Variants in CNOT3 observed in about 807,000 individuals in gnomAD.
The protein encoded by CNOT3 is CCR4-associated factor 3.
Under a neutral mutation model 89.4 loss-of-function variants are expected in CNOT3, and 2 were observed. That is an observed-to-expected ratio of 0.02 (90% CI 0.01 to 0.07). The LOEUF (loss-of-function observed/expected upper bound fraction) is 0.07. Among genes scored for constraint, CNOT3 ranks in the 10% least tolerant of loss-of-function variants. The probability of loss-of-function intolerance (pLI) is 1.00; values close to 1 mark genes in which losing one functional copy is unlikely to be tolerated. For synonymous variants in CNOT3, 486 were observed against 402.0 expected, an observed-to-expected ratio of 1.21 and a Z score of -2.50; for missense variants, 664 against 1,010.2, an observed-to-expected ratio of 0.66 and a Z score of 4.65.
At chr19:54,147,897 C>T (rs1275044482) in intron 10 of CNOT3, among the ~76,000 whole-genome samples, 1 of 152,132 alleles carries the variant, frequency 6.6e-6, no homozygotes, top group South Asian at 2.1e-4. Context: ...TGGGGGTGTC[C>T]ATGGGGCGGT....
rs1376407984 is a variant in CNOT3 at position 54,152,526 on chromosome 19, C to T, written c.1804C>T (p.Leu602=). 2 of 1,614,210 alleles carry T rather than the reference C, an allele frequency of 1.2e-6. No individual in the cohort carries two copies. The highest frequency in any genetic ancestry group is 1.7e-5 in the Admixed American group (1 of 60,024). Residue 602 remains leucine, a synonymous_variant, in exon 15 of 18, where the codon CTG becomes TTG. Coordinates refer to ENST00000221232, the MANE Select transcript of CNOT3 (RefSeq NM_014516.4). ...ACCGCTGTCGCTGGGTGTCTGTCCA[C>T]TGGGCCCTGTGCCCCTCACCAAGGA... ...NIPLSLGVCP[L]GPVPLTKEQL...
In CNOT3 at chr19:54,142,600, G is replaced by A. The variant is rs184128931; in HGVS notation, c.-50-329G>A. ...CCCAGTCATCAGCTGTGTGCAGCAT[G>A]ACTGTCCTGCTCTGAAAAACCTTTT... On this transcript the variant is annotated intron_variant, in intron 1 of 17. Transcript: ENST00000221232. 1.3e-4 allele frequency: 54 copies of A among 406,652 alleles called. 1 individual carries two copies. The highest frequency in any genetic ancestry group is 1.3e-3 in the East Asian group (27 of 20,412). 25.2% of individuals were successfully genotyped at this position (406,652 alleles called of 1,614,324 possible).
intron 10 of CNOT3, among the ~76,000 whole-genome samples, chr19:54,147,669 T>C (rs2074758259): frequency 3.3e-5 from 5 of 152,174 alleles, no homozygotes; most frequent in Admixed American, 3.3e-4. Flanking sequence ...CTTTCTGGAG[T>C]GCTGGTAACT....
chr19:54,147,831 C>T (rs1410247787), intron 10 of CNOT3, among the ~76,000 whole-genome samples: 1 of 152,220 alleles, frequency 6.6e-6, no homozygotes, highest in East Asian at 1.9e-4. Flanking sequence ...AGTCCTCTGG[C>T]TTCCAACAGA....
At chr19:54,139,426 C>T (rs1032396817) in intron 1 of CNOT3, among the ~76,000 whole-genome samples, 2 of 152,114 alleles carry the variant, frequency 1.3e-5, no homozygotes, top group Non-Finnish European at 2.9e-5. Context: ...GCTGCTGGTA[C>T]CCCATGAGAG....
intron 1 of CNOT3, among the ~76,000 whole-genome samples, chr19:54,138,927 GC>G (rs1490562798): frequency 1.3e-5 from 2 of 152,230 alleles, no homozygotes; most frequent in Non-Finnish European, 2.9e-5. Flanking sequence ...TGGCTTTGCA[GC>G]CTTGAACTCC....
chr19:54,150,298 C>A (rs1414229652), intron 13 of CNOT3, among the ~76,000 whole-genome samples: 1 of 152,084 alleles, frequency 6.6e-6, no homozygotes, highest in East Asian at 1.9e-4. Flanking sequence ...AGACCTGGAC[C>A]AGGCAGGGGG....
In CNOT3 at chr19:54,148,040, G is replaced by A. The variant is rs933334630; in HGVS notation, c.895-108G>A. Reference sequence around the variant, plus strand: ...GAGGGCAGGAGCAGGTGGGGGCAGCGAGGCCAGAGAGGAGGCTGCTGGGAC... The same window carrying A: ...GAGGGCAGGAGCAGGTGGGGGCAGCAAGGCCAGAGAGGAGGCTGCTGGGAC... On this transcript the variant is annotated intron_variant, in intron 10 of 17. Transcript: ENST00000221232. This position sits in a 1 kb window ranked among gnomAD's most constrained non-coding sequence, Gnocchi z 6.3. 7.0e-6 allele frequency: 6 copies of A among 856,718 alleles called. No individual in the cohort carries two copies. Among genetic ancestry groups the A allele is most frequent in the Middle Eastern group, 3.8e-4 (1 of 2,642 alleles). The allele number at this position is 856,718 out of a possible 1,614,324, so 53.1% of individuals were successfully genotyped here.
intron 13 of CNOT3, among the ~76,000 whole-genome samples, chr19:54,150,060 C>G (rs587639554): frequency 3.3e-5 from 5 of 152,246 alleles, no homozygotes; most frequent in Admixed American, 3.3e-4. Flanking sequence ...TTCATCCCCC[C>G]CGCAGGCCCT....
At chr19:54,153,228 G>T (rs2075229363) in intron 16 of CNOT3, 1 of 763,672 alleles carries the variant, frequency 1.3e-6, no homozygotes, top group African/African-American at 1.7e-5. Flanking sequence ...CTGGTCCACT[G>T]AGGCACACCT....
chr19:54,148,617 C>G lies in CNOT3; in HGVS notation c.1283-3C>G. 1 of 1,609,600 alleles carries G rather than the reference C, an allele frequency of 6.2e-7. No individual in the cohort carries two copies. The highest frequency in any genetic ancestry group is 8.5e-7 in the Non-Finnish European group (1 of 1,178,032). ...GCCCTTTCCATTTACTCTTTGTTCC[C>G]AGGTTACAGCTCAGTTGTGGCAGAC... is the stretch of plus-strand genomic sequence containing the variant. On this transcript the variant is annotated splice_polypyrimidine_tract_variant and splice_region_variant and intron_variant, in intron 11 of 17. Coordinates refer to ENST00000221232, the MANE Select transcript of CNOT3 (RefSeq NM_014516.4). The surrounding 1 kb of genome is among the most constrained non-coding windows in gnomAD (Gnocchi z 6.3).
Position 54,145,654 on chromosome 19 carries a change from G to A in CNOT3, c.540G>A (p.Val180=), listed in dbSNP as rs753193649. ...KRHIEKHRYH[V]RMLETILRML... Reference sequence around the variant, plus strand: ...ACATCGAGAAGCACCGCTACCACGTGCGCATGCTAGAGACCATCCTGCGCA... The same window carrying A: ...ACATCGAGAAGCACCGCTACCACGTACGCATGCTAGAGACCATCCTGCGCA... Residue 180 remains valine, a synonymous_variant, in exon 8 of 18, where the codon GTG becomes GTA. Coordinates refer to ENST00000221232, the MANE Select transcript of CNOT3 (RefSeq NM_014516.4). This position sits in a 1 kb window ranked among gnomAD's most constrained non-coding sequence, Gnocchi z 5.9. 3.1e-6 allele frequency: 5 copies of A among 1,613,820 alleles called. No homozygotes were observed. In the East Asian group the frequency reaches 8.9e-5, roughly 29 times the overall value.
chr19:54,139,896 T>C (rs8103928), intron 1 of CNOT3, among the ~76,000 whole-genome samples: 11,384 of 152,116 alleles, frequency 0.075, 947 homozygotes, highest in African/African-American at 0.21. Flanking sequence ...CCCCAGGCCC[T>C]AACGCATCCT....
Position 54,148,089 on chromosome 19 carries a change from T to C in CNOT3, c.895-59T>C. ...ACAAAGATGGAGCCTGAGGTGGGGG[T>C]GGTGAGGGAGACCAGCTGGCCCACT... On this transcript the variant is annotated intron_variant, in intron 10 of 17. Coordinates refer to ENST00000221232, the MANE Select transcript of CNOT3 (RefSeq NM_014516.4). This position sits in a 1 kb window ranked among gnomAD's most constrained non-coding sequence, Gnocchi z 6.3. 7.7e-7 allele frequency: 1 copy of C among 1,296,654 alleles called. No homozygotes were observed. The highest frequency in any genetic ancestry group is 1.0e-6 in the Non-Finnish European group (1 of 988,880). The allele number at this position is 1,296,654 out of a possible 1,614,324, so 80.3% of individuals were successfully genotyped here.
In CNOT3 at chr19:54,144,992, C is replaced by T. The variant is rs887148031; in HGVS notation, c.484-606C>T. Among the ~76,000 whole-genome samples, 65 of 151,802 alleles carry T rather than the reference C, an allele frequency of 4.3e-4. 1 individual carries two copies. The highest frequency in any genetic ancestry group is 4.1e-3 in the Admixed American group (62 of 15,228). ...GAGGGGTTTGGGAACCAGGGGCTTT[C>T]GGGGAGATGATGGGTCCTTGAACAG... On this transcript the variant is annotated intron_variant, in intron 7 of 17. Coordinates refer to ENST00000221232, the MANE Select transcript of CNOT3 (RefSeq NM_014516.4). The surrounding 1 kb of genome is among the most constrained non-coding windows in gnomAD (Gnocchi z 4.8).
At chr19:54,146,717 C>A in intron 10 of CNOT3, 60 bp downstream of exon 10, 1 of 911,670 alleles carries the variant, frequency 1.1e-6, no homozygotes, top group Non-Finnish European at 1.9e-6. Flanking sequence ...TTCCCAAAGG[C>A]ATCTTGAGGC....
intron 13 of CNOT3, among the ~76,000 whole-genome samples, chr19:54,150,646 C>T (rs1042657401): frequency 1.2e-4 from 10 of 85,792 alleles, no homozygotes; most frequent in African/African-American, 3.1e-4. Flanking sequence ...TGTCCAGGTC[C>T]AAGTCTTGGC....
At chr19:54,152,404 G>A (rs755418131) in intron 14 of CNOT3, 24 bp from the exon 15 acceptor site, 4 of 1,613,730 alleles carry the variant, frequency 2.5e-6, no homozygotes, top group South Asian at 1.1e-5. Context: ...CACTGAGGGG[G>A]CCGGACCCCC....
rs370832116 is a variant in CNOT3, at chr19:54,152,936, C to T, written c.1974C>T (p.Asp658=). ...ACCAGATGCCACCCCCACACTCGGA[C>T]ACTGTGGAATTCTACCAGCGCCTGT... ...YHHQMPPPHS[D]TVEFYQRLST... The change falls in exon 16 of 18, where the codon GAC becomes GAT. Residue 658 remains aspartate, a synonymous_variant. Coordinates refer to ENST00000221232, the MANE Select transcript of CNOT3 (RefSeq NM_014516.4). 3.5e-5 allele frequency: 57 copies of T among 1,606,584 alleles called. No individual in the cohort carries two copies. The East Asian group carries it at 1.3e-3, about 36-fold the overall frequency.
Sources: allele counts gnomAD v4.1 joint callset (sites outside exome capture counted in the v4.1 genomes callset), GRCh38; gene constraint gnomAD v4.1.1; non-coding constraint Gnocchi (gnomAD v3.1); transcripts MANE v1.5; gene names NCBI Gene and HGNC (gene_info 2026-07-23, HGNC 2026-07-21).